Variants in EBF3 observed in about 807,000 individuals in gnomAD.
EBF3 encodes transcription factor COE3.
A neutral mutation model predicts 77.1 loss-of-function variants in EBF3; 18 were observed. That is an observed-to-expected ratio of 0.23 (90% CI 0.16 to 0.35). EBF3 has a LOEUF of 0.35. Among genes scored for constraint, EBF3 ranks in the 10% least tolerant of loss-of-function variants. EBF3 has a pLI of 1.00. For synonymous variants in EBF3, 350 were observed against 343.5 expected (o/e 1.02, Z -0.21); for missense variants, 558 against 860.0 (o/e 0.65, Z 4.39).
At position 129,837,028 on chromosome 10, in the gene EBF3, A is replaced by T. The variant is rs1849653940; in HGVS notation, c.*915T>A. 6.6e-6 allele frequency: 1 copy of T among 152,666 alleles called. No individual in the cohort carries two copies. The highest frequency in any genetic ancestry group is 2.1e-4 in the South Asian group (1 of 4,832). 9.5% of individuals were successfully genotyped at this position (152,666 alleles called of 1,614,324 possible). A position where few individuals can be genotyped will look rare whatever the true frequency, so the allele number is the denominator to read the frequency against. On this transcript the variant is annotated 3_prime_UTR_variant, in exon 17 of 17. Coordinates refer to ENST00000440978, the MANE Select transcript of EBF3 (RefSeq NM_001375380.1). ...TAGCTACAACTTTGGCAAAATCACAAAAGTCTACAATTTTATAACCACATA... is the reference window on the plus strand; with the variant it reads ...TAGCTACAACTTTGGCAAAATCACATAAGTCTACAATTTTATAACCACATA...
In EBF3 at chr10:129,836,534, G is replaced by A. The variant is rs1849617320; in HGVS notation, c.*1409C>T. On this transcript the variant is annotated 3_prime_UTR_variant, in exon 17 of 17. Coordinates refer to ENST00000440978, the MANE Select transcript of EBF3 (RefSeq NM_001375380.1). ...TATACAACAAACTTTTTTTTCAAAA[G>A]TATTTGTTCAGATAACTTAAAAATA... is the stretch of plus-strand genomic sequence containing the variant. 6.6e-6 allele frequency: 1 copy of A among 151,558 alleles called. No homozygotes were observed. Among genetic ancestry groups the A allele is most frequent in the African/African-American group, 2.4e-5 (1 of 41,040 alleles). 9.4% of individuals were successfully genotyped at this position (151,558 alleles called of 1,614,324 possible). A position where few individuals can be genotyped will look rare whatever the true frequency, so the allele number is the denominator to read the frequency against.
At chr10:129,872,141 TGGGG>T (rs1440886444) in intron 8 of EBF3, among the ~76,000 whole-genome samples, 11 of 152,212 alleles carry the variant, frequency 7.2e-5, no homozygotes. Flanking sequence ...ACCAGAGGGC[TGGGG>T]AGGCCCCTTG....
chr10:129,929,154 T>C (rs1441164892), intron 6 of EBF3, among the ~76,000 whole-genome samples: 1 of 152,230 alleles, frequency 6.6e-6, no homozygotes, highest in Non-Finnish European at 1.5e-5. Flanking sequence ...TATCCGATGC[T>C]ATGTCAACAT....
chr10:129,916,854 A>C (rs936871463), intron 6 of EBF3, among the ~76,000 whole-genome samples: 6 of 152,188 alleles, frequency 3.9e-5, no homozygotes, highest in African/African-American at 1.4e-4. Context: ...GCTCCCTGGG[A>C]AATGGGGAGG....
At chr10:129,895,817 A>T (rs1352352811) in intron 6 of EBF3, among the ~76,000 whole-genome samples, 1 of 152,214 alleles carries the variant, frequency 6.6e-6, no homozygotes, top group African/African-American at 2.4e-5. Flanking sequence ...CATATTAGTT[A>T]AAAAAATCCA....
At chr10:129,860,639 T>G (rs531897801) in intron 10 of EBF3, among the ~76,000 whole-genome samples, 2 of 152,204 alleles carry the variant, frequency 1.3e-5, no homozygotes, top group Non-Finnish European at 2.9e-5. Context: ...ATGTGTCTTG[T>G]TAGCAATAGC....
intron 6 of EBF3, among the ~76,000 whole-genome samples, chr10:129,880,406 T>TACACAAATGCATGCACACATGCAG (rs936929754): frequency 1.3e-3 from 199 of 151,856 alleles, no homozygotes; most frequent in African/African-American, 4.0e-3. Flanking sequence ...TACACATGCA[T>TACACAAATGCATGCACACATGCAG]ACACAAATGC....
rs1310620084 is a variant in EBF3 at position 129,897,078 on chromosome 10, A to G, written c.555-19229T>C. Among the ~76,000 whole-genome samples, 2 of 152,176 alleles carry G rather than the reference A, an allele frequency of 1.3e-5. No homozygotes were observed. The highest frequency in any genetic ancestry group is 4.8e-5 in the African/African-American group (2 of 41,442). On this transcript the variant is annotated intron_variant, in intron 6 of 16. Coordinates refer to ENST00000440978, the MANE Select transcript of EBF3 (RefSeq NM_001375380.1). The surrounding 1 kb of genome is among the most constrained non-coding windows in gnomAD (Gnocchi z 4.6). ...TGGCCATCTCACTGCAGGCAACCTG[A>G]GCAGAGATGGGCCTAGACGGGCAGT...
chr10:129,855,700 G>C (rs1301469245), intron 10 of EBF3, among the ~76,000 whole-genome samples: 1 of 152,142 alleles, frequency 6.6e-6, no homozygotes, highest in Non-Finnish European at 1.5e-5. Flanking sequence ...ACACCACCCA[G>C]TAAAAGCCAC....
intron 8 of EBF3, among the ~76,000 whole-genome samples, chr10:129,868,689 G>A (rs1188239807): frequency 6.6e-6 from 1 of 152,236 alleles, no homozygotes; most frequent in Non-Finnish European, 1.5e-5. Context: ...AGGGAGACAG[G>A]CAGGCAGGAG....
chr10:129,872,998 A>T (rs1001889342), intron 8 of EBF3, among the ~76,000 whole-genome samples: 2 of 151,982 alleles, frequency 1.3e-5, no homozygotes, highest in African/African-American at 4.8e-5. Flanking sequence ...TCTTGTGTGA[A>T]CACGCACATA....
At chr10:129,878,639 T>C (rs1852958911) in intron 6 of EBF3, among the ~76,000 whole-genome samples, 2 of 139,498 alleles carry the variant, frequency 1.4e-5, no homozygotes, top group South Asian at 2.3e-4. Flanking sequence ...TCCAGCCTGG[T>C]TGACAGCTCA....
At chr10:129,894,530 G>GGCCCCGCCTCTGT (rs1854237561) in intron 6 of EBF3, among the ~76,000 whole-genome samples, 1 of 152,114 alleles carries the variant, frequency 6.6e-6, no homozygotes, top group East Asian at 1.9e-4. Context: ...CTTGCCTCTG[G>GGCCCCGCCTCTGT]GCCCCGCCTC....
chr10:129,860,560 G>T (rs1005851884), intron 10 of EBF3, among the ~76,000 whole-genome samples: 3 of 152,168 alleles, frequency 2.0e-5, no homozygotes, highest in Non-Finnish European at 2.9e-5. Flanking sequence ...GCAGCCAATC[G>T]GGGTGCAGGG....
At chr10:129,838,006 G>A (rs756934607) in intron 16 of EBF3, 46 bp from the exon 17 acceptor site, 34 of 1,612,562 alleles carry the variant, frequency 2.1e-5, no homozygotes, top group African/African-American at 1.1e-4. Context: ...TCCCCCACGC[G>A]CCCTCCCGCC....
chr10:129,933,852 G>GC (rs1857186052), intron 6 of EBF3, among the ~76,000 whole-genome samples: 1 of 152,078 alleles, frequency 6.6e-6, no homozygotes, highest in African/African-American at 2.4e-5. Context: ...GCCTCAGCCT[G>GC]GCCACGCTGG....
chr10:129,888,548 A>G (rs1853780732), intron 6 of EBF3, among the ~76,000 whole-genome samples: 1 of 152,234 alleles, frequency 6.6e-6, no homozygotes, highest in Non-Finnish European at 1.5e-5. Context: ...TGTGGAGGAA[A>G]GAAGGCCGGG....
chr10:129,925,453 G>T (rs944797210), intron 6 of EBF3, among the ~76,000 whole-genome samples: 1 of 151,914 alleles, frequency 6.6e-6, no homozygotes, highest in Non-Finnish European at 1.5e-5. Context: ...TTAGCAAGGC[G>T]TGGTGGTGCA....
At position 129,944,488 on chromosome 10, in the gene EBF3, G is replaced by C. The variant is rs931248945; in HGVS notation, c.554+12770C>G. Among the ~76,000 whole-genome samples the C allele has an allele frequency of 1.3e-5, 2 of 152,198 alleles. No homozygotes were observed. The highest frequency in any genetic ancestry group is 1.3e-4 in the Admixed American group (2 of 15,286). ...AGGTAAATCAAGACCTGGAACATAA[G>C]TCAGATGAATTAATATAGGCGGTGT... is the stretch of plus-strand genomic sequence containing the variant. On this transcript the variant is annotated intron_variant, in intron 6 of 16. Coordinates refer to ENST00000440978, the MANE Select transcript of EBF3 (RefSeq NM_001375380.1). This position sits in a 1 kb window ranked among gnomAD's most constrained non-coding sequence, Gnocchi z 5.1.
Sources: gnomAD v4.1 joint callset for allele counts (sites outside exome capture counted in the v4.1 genomes callset) on GRCh38, gnomAD v4.1.1 for gene constraint, Gnocchi (gnomAD v3.1) non-coding constraint, MANE v1.5 for transcripts, NCBI Gene and HGNC (gene_info 2026-07-23, HGNC 2026-07-21) for gene names.